INSR: variants seen among roughly 807,000 people sequenced by gnomAD.
INSR encodes the protein IR.
INSR carries 67 observed loss-of-function variants against 142.6 expected under a neutral mutation model. That is an observed-to-expected ratio of 0.47 (90% CI 0.39 to 0.58). INSR has a LOEUF of 0.58. Among genes scored for constraint, INSR ranks in the 20% least tolerant of loss-of-function variants. INSR has a pLI of 0.00. For missense variants in INSR, 1,248 were observed against 1,833.2 expected, an observed-to-expected ratio of 0.68 and a Z score of 5.83; for synonymous variants, 756 against 743.1, an observed-to-expected ratio of 1.02 and a Z score of -0.28.
chr19:7,268,358 C>T, intron 1 of INSR: 1 of 892,280 alleles, frequency 1.1e-6, no homozygotes, highest in Non-Finnish European at 1.3e-6. Flanking sequence ...CGCTGGCTGA[C>T]TTTCCTTCCC....
intron 1 of INSR, among the ~76,000 whole-genome samples, chr19:7,284,663 G>A (rs1231473591): frequency 1.3e-5 from 2 of 151,944 alleles, no homozygotes; most frequent in Non-Finnish European, 2.9e-5. Context: ...GGAGTAGCTC[G>A]GACTACAGGC....
intron 11 of INSR, among the ~76,000 whole-genome samples, chr19:7,146,236 C>CTTTTTTT (rs35961932): frequency 4.5e-5 from 5 of 110,756 alleles, no homozygotes; most frequent in African/African-American, 1.0e-4. Flanking sequence ...TTGTCAAGTT[C>CTTTTTTT]TTTTTTTTTT....
At chr19:7,239,259 G>A (rs759241512) in intron 2 of INSR, among the ~76,000 whole-genome samples, 1 of 152,056 alleles carries the variant, frequency 6.6e-6, no homozygotes, top group African/African-American at 2.4e-5. Context: ...TCTTTGTGAC[G>A]TTGCCAATGC....
At chr19:7,263,507 C>T (rs1336947730) in intron 2 of INSR, among the ~76,000 whole-genome samples, 1 of 152,136 alleles carries the variant, frequency 6.6e-6, no homozygotes, top group African/African-American at 2.4e-5. Flanking sequence ...GTCGCACCTT[C>T]TCCGGGTAAC....
intron 2 of INSR, among the ~76,000 whole-genome samples, chr19:7,223,595 GA>G (rs1183307239): frequency 2.0e-5 from 3 of 152,218 alleles, no homozygotes; most frequent in African/African-American, 7.2e-5. Context: ...GGAGGATCAG[GA>G]AGCCAAATTT....
chr19:7,269,266 A>AAAACAAT (rs1967839217), intron 1 of INSR, among the ~76,000 whole-genome samples: 1 of 151,988 alleles, frequency 6.6e-6, no homozygotes, highest in Admixed American at 6.6e-5. Context: ...CAAATTAGAA[A>AAAACAAT]AAACAATAAC....
chr19:7,254,601 G>A (rs1976833180), intron 2 of INSR, among the ~76,000 whole-genome samples: 1 of 151,994 alleles, frequency 6.6e-6, no homozygotes, highest in African/African-American at 2.4e-5. Context: ...TAGGATAAGG[G>A]GTACAATCTT....
intron 2 of INSR, among the ~76,000 whole-genome samples, chr19:7,241,220 C>A (rs1352603882): frequency 6.7e-6 from 1 of 148,248 alleles, no homozygotes; most frequent in Non-Finnish European, 1.5e-5. Flanking sequence ...GCCCTGTTGT[C>A]CAGGCTGGAG....
rs543404918 is a variant in INSR, at chr19:7,219,816, C to T, written c.653-35179G>A. Reference sequence around the variant, plus strand: ...ACCCCATCTCTCTCCCTTTCCTTTTCGCAGTCCTGCTTCCTTCTATGGTGT... The same window carrying T: ...ACCCCATCTCTCTCCCTTTCCTTTTTGCAGTCCTGCTTCCTTCTATGGTGT... On this transcript the variant is annotated intron_variant, in intron 2 of 21. Coordinates refer to ENST00000302850, the MANE Select transcript of INSR (RefSeq NM_000208.4). Among the ~76,000 whole-genome samples, 8 of 152,324 alleles carry T rather than the reference C, an allele frequency of 5.3e-5. No homozygotes were observed. The South Asian group carries it at 1.0e-3, about 20-fold the overall frequency.
At position 7,150,593 on chromosome 19, in the gene INSR, G is replaced by T; in HGVS notation, c.2232-61C>A. The T allele has an allele frequency of 1.3e-6, 2 of 1,537,792 alleles. No homozygotes were observed. Among genetic ancestry groups the T allele is most frequent in the Non-Finnish European group, 1.8e-6 (2 of 1,111,536 alleles). On this transcript the variant is annotated intron_variant, in intron 10 of 21. Coordinates refer to ENST00000302850, the MANE Select transcript of INSR (RefSeq NM_000208.4). The surrounding 1 kb of genome is among the most constrained non-coding windows in gnomAD (Gnocchi z 4.2). ...GGAACTTCATTAGACAGACCACTGGGCTCTGACACTTGGAGGCCACATGTG... is the reference window on the plus strand; with the variant it reads ...GGAACTTCATTAGACAGACCACTGGTCTCTGACACTTGGAGGCCACATGTG...
At chr19:7,215,010 G>A (rs1975390500) in intron 2 of INSR, among the ~76,000 whole-genome samples, 2 of 151,832 alleles carry the variant, frequency 1.3e-5, no homozygotes, top group Middle Eastern at 3.4e-3. Context: ...AGGCTGGAGT[G>A]CAGTGGTGCA....
chr19:7,157,663 AG>A (rs559564290), intron 9 of INSR, among the ~76,000 whole-genome samples: 22 of 152,038 alleles, frequency 1.4e-4, no homozygotes, highest in Non-Finnish European at 2.5e-4. Flanking sequence ...CCTCTGGTAC[AG>A]CCACTGAGAT....
chr19:7,228,219 A>T (rs918346414), intron 2 of INSR, among the ~76,000 whole-genome samples: 2 of 152,316 alleles, frequency 1.3e-5, no homozygotes, highest in Admixed American at 6.5e-5. Context: ...ATGAATATCG[A>T]CACTTGGCCA....
chr19:7,278,230 C>G (rs1217419971), intron 1 of INSR, among the ~76,000 whole-genome samples: 1 of 152,180 alleles, frequency 6.6e-6, no homozygotes. Flanking sequence ...ATCTGTAGGA[C>G]AGAACTGAAA....
At chr19:7,131,626 G>A (rs1452054912) in intron 14 of INSR, among the ~76,000 whole-genome samples, 1 of 150,240 alleles carries the variant, frequency 6.7e-6, no homozygotes, top group Non-Finnish European at 1.5e-5. Flanking sequence ...GATTACAGGT[G>A]TGAGCCACCG....
In INSR at chr19:7,184,640, GGAGAGA is replaced by G. The variant is rs3835070; in HGVS notation, c.653-9_653-4del. ...TGACTTACAGATGGTCGGGCAAACTGGAGAGAGAGAGAGAGAGAGAGGGAAATAAAT... is the reference window on the plus strand; with the variant it reads ...TGACTTACAGATGGTCGGGCAAACTGGAGAGAGAGAGAGAGGGAAATAAAT... On this transcript the variant is annotated splice_region_variant and splice_polypyrimidine_tract_variant and intron_variant, in intron 2 of 21. Transcript: ENST00000302850. 3.4e-5 allele frequency: 47 copies of G among 1,375,916 alleles called. No individual in the cohort carries two copies. Among genetic ancestry groups the G allele is most frequent in the South Asian group, 9.3e-5 (7 of 74,938 alleles). The allele number at this position is 1,375,916 out of a possible 1,614,324, so 85.2% of individuals were successfully genotyped here. A position where few individuals can be genotyped will look rare whatever the true frequency, so the allele number is the denominator to read the frequency against.
intron 1 of INSR, among the ~76,000 whole-genome samples, chr19:7,291,754 A>G (rs545977157): frequency 1.7e-4 from 26 of 152,164 alleles, no homozygotes; most frequent in Non-Finnish European, 3.5e-4. Flanking sequence ...ACACACACGC[A>G]CACATAGAAT....
chr19:7,117,908 C>CT (rs34720676), intron 21 of INSR, among the ~76,000 whole-genome samples: 21,881 of 133,260 alleles, frequency 0.16, 2,147 homozygotes, highest in African/African-American at 0.3. Flanking sequence ...TGCCTGGCCG[C>CT]TTTTTTTTTT....
intron 1 of INSR, among the ~76,000 whole-genome samples, chr19:7,273,658 A>G (rs1380564795): frequency 2.6e-5 from 4 of 151,536 alleles, no homozygotes; most frequent in Non-Finnish European, 5.9e-5. Context: ...AGCTGGGATT[A>G]CAGGCGTGTG....
Sources: gnomAD v4.1 joint callset for allele counts (sites outside exome capture counted in the v4.1 genomes callset) on GRCh38, gnomAD v4.1.1 for gene constraint, Gnocchi (gnomAD v3.1) non-coding constraint, MANE v1.5 for transcripts, NCBI Gene and HGNC (gene_info 2026-07-23, HGNC 2026-07-21) for gene names.